The following SYNM variants were observed in gnomAD, a reference collection of about 807,000 sequenced individuals.
The protein encoded by SYNM is synemin.
SYNM carries 95 observed loss-of-function variants against 104.0 expected under a neutral mutation model. The observed-to-expected ratio is 0.91, with a 90% confidence interval of 0.77 to 1.08. The LOEUF (loss-of-function observed/expected upper bound fraction) is 1.08. Among genes scored for constraint, SYNM ranks in the 50% least tolerant of loss-of-function variants. The probability of loss-of-function intolerance (pLI) is 0.00; values close to 1 mark genes in which losing one functional copy is unlikely to be tolerated. For synonymous variants in SYNM, 918 were observed against 869.0 expected, an observed-to-expected ratio of 1.06 and a Z score of -0.99; for missense variants, 2,150 against 2,052.2, an observed-to-expected ratio of 1.05 and a Z score of -0.92.
rs1555486369 is a variant in SYNM, at chr15:99,133,886, C to T, written c.*828C>T. 1 of 152,138 alleles carries T rather than the reference C, an allele frequency of 6.6e-6. No individual in the cohort carries two copies. Among genetic ancestry groups the T allele is most frequent in the Non-Finnish European group, 1.5e-5 (1 of 68,050 alleles). The allele number at this position is 152,138 out of a possible 1,614,324, so 9.4% of individuals were successfully genotyped here. On this transcript the variant is annotated 3_prime_UTR_variant, in exon 4 of 4. Coordinates refer to ENST00000336292, the MANE Select transcript of SYNM (RefSeq NM_145728.3). ...TATCAGACTGTGCAGACTTGCGCTT[C>T]TCTGCACCTTATCCCTTAGCACCCA...
chr15:99,107,124 C>T (rs1050559155), intron 1 of SYNM, among the ~76,000 whole-genome samples: 1 of 152,216 alleles, frequency 6.6e-6, no homozygotes, highest in African/African-American at 2.4e-5. Flanking sequence ...TCATAGAATG[C>T]AATATGGTAC....
Position 99,130,654 on chromosome 15 carries a change from C to G in SYNM, c.2294C>G (p.Ser765Cys). Residue 765 changes from serine (S) to cysteine (C), a missense_variant, in exon 4 of 4, where the codon TCC becomes TGC. Ser to Cys is a moderately radical substitution (Grantham distance 112). Coordinates refer to ENST00000336292, the MANE Select transcript of SYNM (RefSeq NM_145728.3). ...AGCGGGGAGAAGCCGGAGGAGTTTT[C>G]CGTCCCATTCAAAGTGGAGGAGGTC... The part of the protein sequence containing the change: ...YVSGEKPEEF[S>C]VPFKVEEVED... 6.2e-7 allele frequency: 1 copy of G among 1,613,648 alleles called. No individual in the cohort carries two copies. Among genetic ancestry groups the G allele is most frequent in the Non-Finnish European group, 8.5e-7 (1 of 1,179,752 alleles).
intron 2 of SYNM, among the ~76,000 whole-genome samples, chr15:99,121,608 CCT>C (rs1202485975): frequency 1.3e-5 from 2 of 152,190 alleles, no homozygotes; most frequent in East Asian, 3.8e-4. Flanking sequence ...CGCCCCAAAC[CCT>C]CTCACTGCCG....
intron 2 of SYNM, among the ~76,000 whole-genome samples, chr15:99,122,103 C>A (rs1555484578): frequency 3.3e-5 from 5 of 152,254 alleles, no homozygotes; most frequent in Non-Finnish European, 1.5e-5. Context: ...GCCTTTCAGG[C>A]AAAAGTCCTT....
chr15:99,116,386 C>T (rs1462202335), intron 2 of SYNM, among the ~76,000 whole-genome samples: 1 of 152,180 alleles, frequency 6.6e-6, no homozygotes, highest in African/African-American at 2.4e-5. Flanking sequence ...GTGACAGAAA[C>T]TCTCCTCAGA....
chr15:99,108,446 G>A (rs1047449290), intron 1 of SYNM, among the ~76,000 whole-genome samples: 2 of 152,178 alleles, frequency 1.3e-5, no homozygotes, highest in African/African-American at 2.4e-5. Flanking sequence ...ATGTGAAAGA[G>A]GGAGTATGGA....
intron 2 of SYNM, among the ~76,000 whole-genome samples, chr15:99,120,440 G>A (rs562470875): frequency 1.3e-5 from 2 of 152,326 alleles, no homozygotes; most frequent in South Asian, 2.1e-4. Context: ...TGAGGACTGT[G>A]CTAGTGTGGT....
intron 3 of SYNM, among the ~76,000 whole-genome samples, chr15:99,127,563 C>T (rs1403005453): frequency 6.6e-6 from 1 of 152,170 alleles, no homozygotes; most frequent in Non-Finnish European, 1.5e-5. Flanking sequence ...TTAGGCAACT[C>T]ATGGATTTGA....
chr15:99,129,496 C>T lies in SYNM; in HGVS notation c.1136C>T (p.Ser379Leu). 1 of 1,614,006 alleles carries T rather than the reference C, an allele frequency of 6.2e-7. No individual in the cohort carries two copies. Among genetic ancestry groups the T allele is most frequent in the Non-Finnish European group, 8.5e-7 (1 of 1,179,898 alleles). Reference protein sequence around the residue: ...NHSSALYSNLSGHRGSQTGTS... With the variant: ...NHSSALYSNLLGHRGSQTGTS... ...AGCTCGGCACTGTATTCTAACCTGT[C>T]AGGGCACCGTGGATCTCAGACGGGC... Residue 379 changes from serine (S) to leucine (L), a missense_variant, in exon 4 of 4, where the codon TCA becomes TTA. Coordinates refer to ENST00000336292, the MANE Select transcript of SYNM (RefSeq NM_145728.3).
Position 99,131,551 on chromosome 15 carries a change from G to A in SYNM, c.3191G>A (p.Arg1064His), listed in dbSNP as rs782544789. Residue 1064 changes from arginine (R) to histidine (H), a missense_variant, in exon 4 of 4, where the codon CGC (arginine) becomes CAC (histidine). Transcript: ENST00000336292. The surrounding 1 kb of genome is among the most constrained non-coding windows in gnomAD (Gnocchi z 4.3). Reference protein sequence around the residue: ...GGAEAPAAGIRFRRWATRELY... With the variant: ...GGAEAPAAGIHFRRWATRELY... ...GCGGAGGCCCCGGCTGCTGGCATTC[G>A]CTTTAGGCGTTGGGCCACCCGGGAG... is the stretch of plus-strand genomic sequence containing the variant. 1.9e-5 allele frequency: 30 copies of A among 1,608,776 alleles called. No homozygotes were observed. Among genetic ancestry groups the A allele is most frequent in the Non-Finnish European group, 2.3e-5 (27 of 1,179,718 alleles).
At chr15:99,117,409 C>T (rs8032817) in intron 2 of SYNM, among the ~76,000 whole-genome samples, 53,685 of 151,992 alleles carry the variant, frequency 0.35, 9,836 homozygotes, top group Middle Eastern at 0.49. Context: ...GTCCCAGCCT[C>T]TTATGAGTCA....
Position 99,129,076 on chromosome 15 carries a change from T to C in SYNM, c.1007-291T>C, listed in dbSNP as rs2067473168. ...GAGCACCTCTGACCTCTCTGGGATATGCATTGTGCTTTATGATTAATGTTA... is the reference window on the plus strand; with the variant it reads ...GAGCACCTCTGACCTCTCTGGGATACGCATTGTGCTTTATGATTAATGTTA... On this transcript the variant is annotated intron_variant, in intron 3 of 3. Coordinates refer to ENST00000336292, the MANE Select transcript of SYNM (RefSeq NM_145728.3). 1.1e-5 allele frequency: 4 copies of C among 368,936 alleles called. No homozygotes were observed. The South Asian group carries it at 1.5e-4, about 14-fold the overall frequency. 22.9% of individuals were successfully genotyped at this position (368,936 alleles called of 1,614,324 possible).
At chr15:99,123,725 A>AGGCCCC (rs1207974354) in intron 2 of SYNM, among the ~76,000 whole-genome samples, 3 of 152,222 alleles carry the variant, frequency 2.0e-5, no homozygotes, top group Admixed American at 1.3e-4. Context: ...AATCACCCAC[A>AGGCCCC]GGCCCCGGCC....
chr15:99,121,948 A>T (rs1467590744), intron 2 of SYNM, among the ~76,000 whole-genome samples: 1 of 152,194 alleles, frequency 6.6e-6, no homozygotes, highest in Non-Finnish European at 1.5e-5. Flanking sequence ...TGTTTTGGGG[A>T]TGAAAGATAT....
intron 3 of SYNM, among the ~76,000 whole-genome samples, chr15:99,128,343 A>G (rs576097963): frequency 6.6e-6 from 1 of 152,328 alleles, no homozygotes; most frequent in East Asian, 1.9e-4. Context: ...TTCTTGTTGA[A>G]TCTTAACTGT....
chr15:99,121,860 G>A (rs2067404584), intron 2 of SYNM, among the ~76,000 whole-genome samples: 2 of 152,340 alleles, frequency 1.3e-5, no homozygotes, highest in Non-Finnish European at 2.9e-5. Flanking sequence ...CGTGACATGA[G>A]GCCCATCCTA....
At position 99,106,014 on chromosome 15, in the gene SYNM, G is replaced by T; in HGVS notation, c.810+5G>T. ...ATACAGGCCGAGGAGCGGCAGGTCCGTGCGCGGGGATGGCGCGCTGACCCC... is the reference window on the plus strand; with the variant it reads ...ATACAGGCCGAGGAGCGGCAGGTCCTTGCGCGGGGATGGCGCGCTGACCCC... On this transcript the variant is annotated splice_donor_5th_base_variant and intron_variant, in intron 1 of 3. Coordinates refer to ENST00000336292, the MANE Select transcript of SYNM (RefSeq NM_145728.3). 1 of 1,444,636 alleles carries T rather than the reference G, an allele frequency of 6.9e-7. No homozygotes were observed. Among genetic ancestry groups the T allele is most frequent in the Non-Finnish European group, 9.1e-7 (1 of 1,104,318 alleles). The allele number at this position is 1,444,636 out of a possible 1,614,324, so 89.5% of individuals were successfully genotyped here. A position where few individuals can be genotyped will look rare whatever the true frequency, so the allele number is the denominator to read the frequency against.
downstream of SYNM, chr15:99,140,071 C>A (rs1271194502): frequency 9.8e-6 from 2 of 203,942 alleles, no homozygotes; most frequent in African/African-American, 4.7e-5. Flanking sequence ...ATGCCAAAGA[C>A]CCTTTTATTT....
chr15:99,131,008 T>G lies in SYNM; in HGVS notation c.2648T>G (p.Val883Gly). ...AGGAGGACACAGAAGGACGGTGCAG[T>G]GGGCGAGAAGGTTGTGAAGCCCTTG... ...TRRRTQKDGA[V>G]GEKVVKPLDV... The change falls in exon 4 of 4, where the codon GTG becomes GGG. Residue 883 changes from valine (V) to glycine (G), a missense_variant. Coordinates refer to ENST00000336292, the MANE Select transcript of SYNM (RefSeq NM_145728.3). This position sits in a 1 kb window ranked among gnomAD's most constrained non-coding sequence, Gnocchi z 4.3. The G allele has an allele frequency of 6.2e-7, 1 of 1,613,270 alleles. No homozygotes were observed. Among genetic ancestry groups the G allele is most frequent in the Non-Finnish European group, 8.5e-7 (1 of 1,179,588 alleles).
Sources: allele counts gnomAD v4.1 joint callset (sites outside exome capture counted in the v4.1 genomes callset), GRCh38; gene constraint gnomAD v4.1.1; non-coding constraint Gnocchi (gnomAD v3.1); transcripts MANE v1.5; gene names NCBI Gene and HGNC (gene_info 2026-07-23, HGNC 2026-07-21).